The following ZFHX3 variants were observed in gnomAD, a reference collection of about 807,000 sequenced individuals.
ZFHX3 encodes zinc finger homeobox protein 3.
ZFHX3 carries 42 observed loss-of-function variants against 279.1 expected under a neutral mutation model. The ratio of observed to expected loss-of-function variants is 0.15; its 90% CI spans 0.12 to 0.19. The LOEUF is 0.19. ZFHX3 is among the 10% of genes least tolerant of loss of function. The probability of loss-of-function intolerance (pLI) is 1.00; values close to 1 mark genes in which losing one functional copy is unlikely to be tolerated. For missense variants in ZFHX3, 4,981 were observed against 4,754.0 expected (o/e 1.05, Z -1.40); for synonymous variants, 2,293 against 1,957.8 (o/e 1.17, Z -4.52).
intron 3 of ZFHX3, among the ~76,000 whole-genome samples, chr16:73,417,988 C>CAAAAAAAAAAAAAAAAAAAAAA (rs71156161): frequency 1.7e-5 from 1 of 57,858 alleles, no homozygotes; most frequent in Non-Finnish European, 2.8e-5. Context: ...GACTCCATCT[C>CAAAAAAAAAAAAAAAAAAAAAA]AAAAAAAAAA....
At chr16:73,731,454 C>T (rs184519744) in intron 1 of ZFHX3, among the ~76,000 whole-genome samples, 90 of 149,088 alleles carry the variant, frequency 6.0e-4, no homozygotes, top group African/African-American at 2.2e-3. Flanking sequence ...TTGGCGCTGA[C>T]ATAAAAAGGG....
chr16:73,417,051 C>A (rs777792133), intron 3 of ZFHX3, among the ~76,000 whole-genome samples: 8 of 152,006 alleles, frequency 5.3e-5, no homozygotes, highest in Admixed American at 2.6e-4. Context: ...ACTGACATCA[C>A]GCACCCCGCA....
In ZFHX3 at chr16:73,466,078, G is replaced by A. The variant is rs112687526; in HGVS notation, c.-1546-9820C>T. Among the ~76,000 whole-genome samples the A allele has an allele frequency of 7.8e-3, 1,191 of 152,084 alleles. 11 individuals are homozygous for A. The highest frequency in any genetic ancestry group is 0.027 in the African/African-American group (1,102 of 41,476). On this transcript the variant is annotated intron_variant, in intron 2 of 17. Coordinates refer to the ZFHX3 transcript ENST00000641206. The stretch of plus-strand genomic sequence containing the variant: ...TCCAGTATGAAAAACATTGTCATAG[G>A]AAACAAACAAAAACCCAGCAGCATG...
At chr16:73,782,450 A>G (rs1959504130) in intron 1 of ZFHX3, among the ~76,000 whole-genome samples, 1 of 152,198 alleles carries the variant, frequency 6.6e-6, no homozygotes, top group Admixed American at 6.5e-5. Context: ...GCAGCTATTT[A>G]AGGTCCCTAA....
intron 3 of ZFHX3, chr16:73,401,406 A>ACACACACACACCCC: frequency 6.7e-6 from 1 of 149,252 alleles, no homozygotes; most frequent in Non-Finnish European, 1.5e-5. Flanking sequence ...ACACACACAC[A>ACACACACACACCCC]CCTCAAAAGC....
At chr16:73,352,474 CTTTTTTTTTTTTTTT>C (rs35974156) in intron 3 of ZFHX3, among the ~76,000 whole-genome samples, 2 of 53,256 alleles carry the variant, frequency 3.8e-5, no homozygotes, top group African/African-American at 8.7e-5. Context: ...CTCTCTCTCT[CTTTTTTTTTTTTTTT>C]TTTTTTTTTT....
intron 4 of ZFHX3, chr16:73,294,002 A>C (rs1037558639): frequency 4.0e-5 from 6 of 151,390 alleles, no homozygotes; most frequent in East Asian, 1.9e-4. Context: ...AAAAAAAAAA[A>C]AAAAAAAAAA....
At position 72,798,122 on chromosome 16, in the gene ZFHX3, C is replaced by T; in HGVS notation, c.4560G>A (p.Glu1520=). 6.2e-7 allele frequency: 1 copy of T among 1,614,202 alleles called. No homozygotes were observed. Among genetic ancestry groups the T allele is most frequent in the Non-Finnish European group, 8.5e-7 (1 of 1,180,036 alleles). The change falls in exon 9 of 10, where the codon GAG becomes GAA. Residue 1520 remains glutamate (E), a synonymous_variant. Transcript: ENST00000268489. The stretch of plus-strand genomic sequence containing the variant: ...TTCTGAAAGGCAGAGCTCTCTTTGG[C>T]TCTGAGCCCGAGTCTTCTTGTACTG... The part of the protein sequence containing the change: ...SGSVQEDSGS[E]PKRALPFRKG...
At chr16:73,263,129 A>AT (rs924135296) in intron 4 of ZFHX3, among the ~76,000 whole-genome samples, 2 of 152,124 alleles carry the variant, frequency 1.3e-5, no homozygotes, top group African/African-American at 4.8e-5. Flanking sequence ...AAGCTAACTG[A>AT]TAACAAACCC....
At chr16:73,581,236 A>G (rs1021076926) in intron 2 of ZFHX3, among the ~76,000 whole-genome samples, 1 of 151,912 alleles carries the variant, frequency 6.6e-6, no homozygotes, top group South Asian at 2.1e-4. Context: ...CCACCAACAT[A>G]GACAATAAAC....
At chr16:73,073,541 C>T in intron 8 of ZFHX3, among the ~76,000 whole-genome samples, 1 of 152,134 alleles carries the variant, frequency 6.6e-6, no homozygotes, top group South Asian at 2.1e-4. Context: ...CTCTTTTGCC[C>T]AGGTTGGAGT....
chr16:73,505,221 A>G (rs1227042984), intron 2 of ZFHX3, among the ~76,000 whole-genome samples: 2 of 152,196 alleles, frequency 1.3e-5, no homozygotes, highest in South Asian at 2.1e-4. Flanking sequence ...ATATAAATAT[A>G]TATGTATATC....
At chr16:73,790,319 G>C (rs1407233219) in intron 1 of ZFHX3, among the ~76,000 whole-genome samples, 2 of 150,336 alleles carry the variant, frequency 1.3e-5, no homozygotes, top group Non-Finnish European at 3.0e-5. Context: ...AGTGGCACTA[G>C]ATACAGTTGT....
In ZFHX3 at chr16:72,787,733, C is replaced by CGCCACT. The variant is rs750444062; in HGVS notation, c.10537_10542dup (p.Ser3513_Gly3514dup). 1,206 of 1,398,328 alleles carry CGCCACT rather than the reference C, an allele frequency of 8.6e-4. 22 individuals carry two copies. In the South Asian group the frequency reaches 0.015, roughly 18 times the overall value. The allele number at this position is 1,398,328 out of a possible 1,614,324, so 86.6% of individuals were successfully genotyped here. A position where few individuals can be genotyped will look rare whatever the true frequency, so the allele number is the denominator to read the frequency against. ...CCGCCGCCGCCACCGCCGCCGCCGCCGCCACTGCCACCGCCGCCGCCGCCG... is the reference window on the plus strand; with the variant it reads ...CCGCCGCCGCCACCGCCGCCGCCGCCGCCACTGCCACTGCCACCGCCGCCGCCGCCG... On this transcript the variant is annotated inframe_insertion, in exon 10 of 10. Transcript: ENST00000268489.
chr16:73,132,976 A>G (rs916191364), intron 6 of ZFHX3, among the ~76,000 whole-genome samples: 1 of 152,192 alleles, frequency 6.6e-6, no homozygotes, highest in African/African-American at 2.4e-5. Context: ...ATGGATCACC[A>G]AAGAGTGCTC....
chr16:72,884,476 T>C (rs1295416883), intron 4 of ZFHX3, among the ~76,000 whole-genome samples: 3 of 152,214 alleles, frequency 2.0e-5, no homozygotes, highest in Admixed American at 1.3e-4. Flanking sequence ...AGGAGATCAG[T>C]GATCAGCTAT....
chr16:73,877,716 T>G (rs376557431), intron 1 of ZFHX3, among the ~76,000 whole-genome samples: 49 of 152,192 alleles, frequency 3.2e-4, no homozygotes, highest in African/African-American at 1.2e-3. Context: ...TTATATTCAG[T>G]GGAAAGAGGA....
chr16:73,058,282 G>GAAGAGA, intron 1 of ZFHX3, among the ~76,000 whole-genome samples: 1 of 142,620 alleles, frequency 7.0e-6, no homozygotes. Context: ...GGAGGAAGAA[G>GAAGAGA]AAGAGAAAGA....
At position 72,799,938 on chromosome 16, in the gene ZFHX3, T is replaced by C. The variant is rs941701727; in HGVS notation, c.3967+89A>G. 33 of 1,175,944 alleles carry C rather than the reference T, an allele frequency of 2.8e-5. No individual in the cohort carries two copies. In the East Asian group the frequency reaches 7.0e-4, roughly 25 times the overall value. 72.8% of individuals were successfully genotyped at this position (1,175,944 alleles called of 1,614,324 possible). ...TCAGTTACATTCACCTTAAGAGTAT[T>C]GTAAAGAATTCCTGAAAACCTTTCT... On this transcript the variant is annotated intron_variant, in intron 8 of 9. Coordinates refer to ENST00000268489, the MANE Select transcript of ZFHX3 (RefSeq NM_006885.4).
Sources: allele counts gnomAD v4.1 joint callset (sites outside exome capture counted in the v4.1 genomes callset), GRCh38; gene constraint gnomAD v4.1.1; transcripts MANE v1.5; gene names NCBI Gene and HGNC (gene_info 2026-07-23, HGNC 2026-07-21).